L3MBTL4: variants seen among roughly 807,000 people sequenced by gnomAD.
L3MBTL4 encodes lethal(3)malignant brain tumor-like protein 4.
L3MBTL4 carries 70 observed loss-of-function variants against 84.5 expected under a neutral mutation model. The observed-to-expected ratio is 0.83, with a 90% confidence interval of 0.68 to 1.01. The LOEUF is 1.01. L3MBTL4 is among the 50% of genes least tolerant of loss of function. The probability of loss-of-function intolerance (pLI) is 0.00; values close to 1 mark genes in which losing one functional copy is unlikely to be tolerated. For synonymous variants in L3MBTL4, 274 were observed against 259.8 expected (o/e 1.05, Z -0.52); for missense variants, 715 against 754.8 (o/e 0.95, Z 0.62).
chr18:6,022,019 GT>G (rs1285953708), intron 16 of L3MBTL4, among the ~76,000 whole-genome samples: 1 of 152,150 alleles, frequency 6.6e-6, no homozygotes, highest in Non-Finnish European at 1.5e-5. Flanking sequence ...GTTGGTCTGT[GT>G]CTCAGATGTA....
chr18:6,319,950 A>G (rs1386215649), intron 1 of L3MBTL4, among the ~76,000 whole-genome samples: 1 of 152,180 alleles, frequency 6.6e-6, no homozygotes, highest in Non-Finnish European at 1.5e-5. Flanking sequence ...CACCATGAAC[A>G]AGTGGGTTTT....
intron 1 of L3MBTL4, among the ~76,000 whole-genome samples, chr18:6,338,409 G>A (rs1433750704): frequency 6.6e-6 from 1 of 151,858 alleles, no homozygotes; most frequent in Non-Finnish European, 1.5e-5. Context: ...CTTATGTCTA[G>A]AATTAATATC....
At chr18:6,006,312 G>A (rs2054484899) in intron 16 of L3MBTL4, among the ~76,000 whole-genome samples, 1 of 152,116 alleles carries the variant, frequency 6.6e-6, no homozygotes, top group African/African-American at 2.4e-5. Context: ...GAACACTGGA[G>A]AAAAAAGGGA....
intron 12 of L3MBTL4, among the ~76,000 whole-genome samples, chr18:6,174,136 C>A (rs2044110007): frequency 6.7e-6 from 1 of 149,102 alleles, no homozygotes. Context: ...ATAGAACGAA[C>A]TCTACTCTTA....
chr18:5,957,322 A>T (rs951529004), intron 18 of L3MBTL4, among the ~76,000 whole-genome samples: 2 of 152,130 alleles, frequency 1.3e-5, no homozygotes, highest in African/African-American at 4.8e-5. Context: ...CACGCATTGT[A>T]TATGTATATC....
chr18:6,411,033 C>T (rs1015472828), intron 1 of L3MBTL4, among the ~76,000 whole-genome samples: 2 of 152,052 alleles, frequency 1.3e-5, no homozygotes, highest in South Asian at 4.1e-4. Flanking sequence ...CCATTGCTAC[C>T]GTGGAAAAAA....
At chr18:6,048,391 T>C (rs538333946) in intron 16 of L3MBTL4, among the ~76,000 whole-genome samples, 6 of 152,212 alleles carry the variant, frequency 3.9e-5, no homozygotes, top group Non-Finnish European at 8.8e-5. Context: ...AATTCTGAAA[T>C]GTATTTGGAA....
rs189776267 is a variant in L3MBTL4 at position 6,378,170 on chromosome 18, T to G, written c.-91+36631A>C. 3.3e-5 allele frequency among the ~76,000 whole-genome samples: 5 copies of G among 152,310 alleles called. No homozygotes were observed. The East Asian group carries it at 9.6e-4, about 29-fold the overall frequency. ...GCCCACTTTTGGATGGGGTTGTTTGTTTTTTTCTTGTAAATTTGTTTAAGT... is the reference window on the plus strand; with the variant it reads ...GCCCACTTTTGGATGGGGTTGTTTGGTTTTTTCTTGTAAATTTGTTTAAGT... On this transcript the variant is annotated intron_variant, in intron 1 of 18. Coordinates refer to ENST00000317931, the MANE Select transcript of L3MBTL4 (RefSeq NM_001330559.2).
chr18:6,225,249 G>A (rs2046730611), intron 10 of L3MBTL4, among the ~76,000 whole-genome samples: 1 of 152,230 alleles, frequency 6.6e-6, no homozygotes, highest in Non-Finnish European at 1.5e-5. Flanking sequence ...AGCATACGAG[G>A]AAGCAGTGAT....
At chr18:6,049,553 A>G (rs1433559165) in intron 16 of L3MBTL4, among the ~76,000 whole-genome samples, 1 of 152,242 alleles carries the variant, frequency 6.6e-6, no homozygotes. Context: ...AAATGAAATC[A>G]TATCTTTTGC....
intron 12 of L3MBTL4, among the ~76,000 whole-genome samples, chr18:6,192,638 T>C (rs1250680611): frequency 6.6e-6 from 1 of 152,134 alleles, no homozygotes; most frequent in Non-Finnish European, 1.5e-5. Flanking sequence ...GAAATCGTTA[T>C]CTAGGAGAAT....
chr18:6,112,491 T>C (rs886464618), intron 14 of L3MBTL4, among the ~76,000 whole-genome samples: 4 of 152,204 alleles, frequency 2.6e-5, no homozygotes, highest in South Asian at 4.1e-4. Context: ...GCATGTTCTC[T>C]GGCTGCACAG....
intron 11 of L3MBTL4, 50 bp downstream of exon 11, chr18:6,215,700 C>G: frequency 2.0e-6 from 2 of 1,003,444 alleles, no homozygotes; most frequent in South Asian, 1.7e-5. Context: ...AGGCATGACT[C>G]AATACAAACG....
intron 1 of L3MBTL4, among the ~76,000 whole-genome samples, chr18:6,362,344 G>GAGAAA (rs923828603): frequency 4.6e-5 from 7 of 152,078 alleles, no homozygotes; most frequent in East Asian, 3.9e-4. Context: ...AAGAAAAGAA[G>GAGAAA]AGAAAAGAAA....
chr18:6,261,633 TTCCCA>T (rs2048403851), intron 5 of L3MBTL4, among the ~76,000 whole-genome samples: 1 of 152,162 alleles, frequency 6.6e-6, no homozygotes, highest in Admixed American at 6.5e-5. Context: ...GATCACACCA[TTCCCA>T]ACACCATCAT....
chr18:6,168,643 G>A (rs914241560), intron 13 of L3MBTL4, among the ~76,000 whole-genome samples: 1 of 152,018 alleles, frequency 6.6e-6, no homozygotes, highest in African/African-American at 2.4e-5. Context: ...GCTGAAACTG[G>A]ATCCCTTCCT....
chr18:6,245,300 A>T (rs1267340512), intron 5 of L3MBTL4, among the ~76,000 whole-genome samples: 1 of 152,188 alleles, frequency 6.6e-6, no homozygotes, highest in Non-Finnish European at 1.5e-5. Context: ...GGATGGTTTC[A>T]TTATGTTAAT....
At chr18:6,286,756 CCCTCCAGGTCA>C (rs776054211) in intron 4 of L3MBTL4, among the ~76,000 whole-genome samples, 18 of 152,116 alleles carry the variant, frequency 1.2e-4, no homozygotes, top group Non-Finnish European at 2.1e-4. Context: ...ACAACTGTTT[CCCTCCAGGTCA>C]CCTCTCTCTC....
At chr18:6,120,937 T>C (rs912048314) in intron 14 of L3MBTL4, among the ~76,000 whole-genome samples, 1 of 152,188 alleles carries the variant, frequency 6.6e-6, no homozygotes, top group Admixed American at 6.5e-5. Context: ...TTCTGGTGCA[T>C]GTCTTTTGGT....
Sources: gnomAD v4.1 joint callset for allele counts (sites outside exome capture counted in the v4.1 genomes callset) on GRCh38, gnomAD v4.1.1 for gene constraint, MANE v1.5 for transcripts, NCBI Gene and HGNC (gene_info 2026-07-23, HGNC 2026-07-21) for gene names.